POLA1: variants seen among roughly 807,000 people sequenced by gnomAD.
POLA1 encodes the protein DNA polymerase alpha catalytic subunit.
In POLA1, 15 loss-of-function variants were observed where a neutral mutation model predicts 124.0. The ratio of observed to expected loss-of-function variants is 0.12; its 90% CI spans 0.08 to 0.19. The LOEUF is 0.19. POLA1 is among the 10% of genes least tolerant of loss of function. POLA1 has a pLI of 1.00. For synonymous variants in POLA1, 408 were observed against 389.4 expected, an observed-to-expected ratio of 1.05 and a Z score of -0.56; for missense variants, 886 against 1,103.4, an observed-to-expected ratio of 0.80 and a Z score of 2.79.
intron 34 of POLA1, among the ~76,000 whole-genome samples, chrX:24,850,426 C>T (rs2046542573): frequency 8.9e-6 from 1 of 112,445 alleles, no homozygotes; most frequent in Admixed American, 9.4e-5. Context: ...CAAATAAGTT[C>T]AGATGCAGCC....
chrX:24,788,464 C>T lies in POLA1; in HGVS notation c.2965-21434C>T, dbSNP rs374538144. 4.8e-4 allele frequency: 578 copies of T among 1,195,127 alleles called. 1 individual carries two copies. Among genetic ancestry groups the T allele is most frequent in the Non-Finnish European group, 5.7e-4 (513 of 892,426 alleles). ...CAAAAGCAGTGATCTGCTCCTCCAGCATATCTGTTCCGACTTTATCATCTT... is the reference window on the plus strand; with the variant it reads ...CAAAAGCAGTGATCTGCTCCTCCAGTATATCTGTTCCGACTTTATCATCTT... On this transcript the variant is annotated intron_variant, in intron 26 of 36. Coordinates refer to ENST00000379068, the MANE Select transcript of POLA1 (RefSeq NM_001330360.2).
rs1406755455 is a variant in POLA1 at position 24,812,803 on chromosome X, A to C, written c.3236A>C (p.Glu1079Ala). The C allele has an allele frequency of 3.3e-6, 4 of 1,203,637 alleles. No individual in the cohort carries two copies. Among genetic ancestry groups the C allele is most frequent in the African/African-American group, 1.8e-5 (1 of 56,901 alleles). Reference sequence around the variant, plus strand: ...GATGGGAATTATGTCACCAAACAGGAGCTCAAAGGATTAGATATAGTTAGA... The same window carrying C: ...GATGGGAATTATGTCACCAAACAGGCGCTCAAAGGATTAGATATAGTTAGA... ...TSDGNYVTKQ[E>A]LKGLDIVRRD... is the part of the protein sequence containing the mutation. Residue 1079 changes from glutamate (E) to alanine (A), a missense_variant, in exon 29 of 37, where the codon GAG (glutamate) becomes GCG (alanine). By Grantham distance (107) the Glu-to-Ala change is moderately radical. Transcript: ENST00000379068.
At chrX:24,913,014 C>T (rs1011212803) in intron 35 of POLA1, among the ~76,000 whole-genome samples, 9 of 111,765 alleles carry the variant, frequency 8.1e-5, no homozygotes, top group Non-Finnish European at 1.7e-4. Context: ...TGTGTATTTA[C>T]CCTAAAGAAG....
chrX:24,848,856 A>G (rs1343312862), intron 34 of POLA1, among the ~76,000 whole-genome samples: 2 of 112,265 alleles, frequency 1.8e-5, no homozygotes, highest in Non-Finnish European at 3.8e-5. Flanking sequence ...TCTCATTTCC[A>G]TTGTCTTTCA....
chrX:24,938,058 G>A (rs1284434875), intron 36 of POLA1, among the ~76,000 whole-genome samples: 1 of 112,530 alleles, frequency 8.9e-6, no homozygotes, highest in Non-Finnish European at 1.9e-5. Context: ...GAAGGAACAA[G>A]GGAGAAGTAA....
chrX:24,717,227 GC>G lies in POLA1; in HGVS notation c.707-61del, dbSNP rs1179481983. On this transcript the variant is annotated intron_variant, in intron 8 of 36. Transcript: ENST00000379068. ...GATAAGCCTTTGTGCGCCTTTGTGT[GC>G]CTTTGTGTGCCTTTGTGTCATCGCA... 2.3e-5 allele frequency: 22 copies of G among 953,101 alleles called. No homozygotes were observed. In the African/African-American group the frequency reaches 5.1e-4, roughly 22 times the overall value. 78.5% of individuals were successfully genotyped at this position (953,101 alleles called of 1,213,427 possible).
chrX:24,990,077 C>CTGTA (rs1365770470), intron 36 of POLA1, among the ~76,000 whole-genome samples: 1 of 111,841 alleles, frequency 8.9e-6, no homozygotes, highest in African/African-American at 3.3e-5. Context: ...ATAGACCATG[C>CTGTA]TGTAATACAG....
At chrX:24,971,843 A>T (rs2048305819) in intron 36 of POLA1, among the ~76,000 whole-genome samples, 2 of 111,694 alleles carry the variant, frequency 1.8e-5, no homozygotes, top group Admixed American at 1.9e-4. Flanking sequence ...GCTAAGTATT[A>T]CCTCACTACT....
intron 34 of POLA1, among the ~76,000 whole-genome samples, chrX:24,864,333 TATGTAAGCCAA>T (rs1271973742): frequency 6.2e-5 from 7 of 112,008 alleles, no homozygotes; most frequent in African/African-American, 2.3e-4. Context: ...GATTATAGTG[TATGTAAGCCAA>T]ATGAATTTGA....
Position 24,699,513 on chromosome X carries a change from G to A in POLA1, c.132G>A (p.Leu44=), listed in dbSNP as rs188570672. Residue 44 remains leucine, a synonymous_variant, in exon 2 of 37, where the codon CTG becomes CTA. Coordinates refer to ENST00000379068, the MANE Select transcript of POLA1 (RefSeq NM_001330360.2). ...GGCGCCAAGAAGCCCTAGAAAGACT[G>A]AAAAAGGCTAAAGCTGGTGAGAAGT... is the stretch of plus-strand genomic sequence containing the variant. The part of the protein sequence containing the change: ...KKGRQEALER[L]KKAKAGEKYK... The A allele has an allele frequency of 4.0e-5, 47 of 1,182,469 alleles. No individual in the cohort carries two copies. The African/African-American group carries it at 7.4e-4, about 19-fold the overall frequency.
intron 34 of POLA1, among the ~76,000 whole-genome samples, chrX:24,871,643 A>T (rs1451136558): frequency 1.8e-5 from 2 of 110,164 alleles, no homozygotes; most frequent in African/African-American, 6.6e-5. Context: ...ACTTGAACAG[A>T]CCTTACAGTC....
chrX:24,734,946 G>C (rs1016680256), intron 17 of POLA1, among the ~76,000 whole-genome samples: 2 of 111,761 alleles, frequency 1.8e-5, no homozygotes, highest in African/African-American at 6.5e-5. Context: ...TTTGTTTTTA[G>C]TCTAGTTTCT....
At position 24,782,597 on chromosome X, in the gene POLA1, T is replaced by C. The variant is rs779731919; in HGVS notation, c.2965-27301T>C. On this transcript the variant is annotated intron_variant, in intron 26 of 36. Transcript: ENST00000379068. ...AGTGCTACCTTAGCCATTGTGCAAG[T>C]GCGTTTTTACCCTCAGAGGGTATCA... Among the ~76,000 whole-genome samples the C allele has an allele frequency of 2.7e-5, 3 of 111,430 alleles. No individual in the cohort carries two copies. The South Asian group carries it at 1.1e-3, about 43-fold the overall frequency.
intron 1 of POLA1, among the ~76,000 whole-genome samples, chrX:24,697,344 T>G (rs957257268): frequency 8.9e-6 from 1 of 111,782 alleles, no homozygotes; most frequent in African/African-American, 3.3e-5. Context: ...GGGAATCGCT[T>G]TTCACTTTCA....
intron 10 of POLA1, 115 bp from the exon 11 acceptor site, chrX:24,723,040 T>G (rs1569281483): frequency 3.8e-6 from 2 of 531,737 alleles, no homozygotes; most frequent in Non-Finnish European, 3.3e-6. Flanking sequence ...GCTGTCAAAA[T>G]GAGTTATCAT....
At chrX:24,845,678 A>G (rs994708327) in intron 34 of POLA1, among the ~76,000 whole-genome samples, 1 of 111,750 alleles carries the variant, frequency 8.9e-6, no homozygotes, top group Admixed American at 9.5e-5. Flanking sequence ...TGGTAATCCA[A>G]TTGGAGACTA....
rs1005265315 is a variant in POLA1 at position 24,994,233 on chromosome X, C to A, written c.4262-1572C>A. Among the ~76,000 whole-genome samples, 15 of 112,678 alleles carry A rather than the reference C, an allele frequency of 1.3e-4. No homozygotes were observed. In the East Asian group the frequency reaches 3.6e-3, roughly 27 times the overall value. ...GCAGCCCCCCTCTCTTTTTCCACCCCTTTTGGGCATTTTAATTCTCTATAA... is the reference window on the plus strand; with the variant it reads ...GCAGCCCCCCTCTCTTTTTCCACCCATTTTGGGCATTTTAATTCTCTATAA... On this transcript the variant is annotated intron_variant, in intron 36 of 36. Coordinates refer to ENST00000379068, the MANE Select transcript of POLA1 (RefSeq NM_001330360.2).
chrX:24,872,680 C>T (rs966822744), intron 34 of POLA1, among the ~76,000 whole-genome samples: 1 of 110,996 alleles, frequency 9.0e-6, no homozygotes, highest in African/African-American at 3.3e-5. Context: ...ATAAATAGAC[C>T]CAAAGTTGCA....
At chrX:24,847,873 C>T (rs776764687) in intron 34 of POLA1, among the ~76,000 whole-genome samples, 30 of 112,037 alleles carry the variant, frequency 2.7e-4, no homozygotes, top group Non-Finnish European at 5.3e-4. Flanking sequence ...TAGTGGCCTA[C>T]AGGATTCTTG....
Sources: allele counts gnomAD v4.1 joint callset (sites outside exome capture counted in the v4.1 genomes callset), GRCh38; gene constraint gnomAD v4.1.1; transcripts MANE v1.5; gene names NCBI Gene and HGNC (gene_info 2026-07-23, HGNC 2026-07-21).